ZNF90: variants seen among roughly 807,000 people sequenced by gnomAD.
The protein encoded by ZNF90 is zinc finger protein HTF9.
In ZNF90, 11 loss-of-function variants were observed where a neutral mutation model predicts 12.0. The ratio of observed to expected loss-of-function variants is 0.92; its 90% CI spans 0.58 to 1.52. The LOEUF is 1.52. ZNF90 is among the 40% of genes most tolerant of loss of function. The probability of loss-of-function intolerance (pLI) is 0.00; values close to 1 mark genes in which losing one functional copy is unlikely to be tolerated. For synonymous variants in ZNF90, 232 were observed against 240.1 expected (o/e 0.97, Z 0.31); for missense variants, 765 against 711.5 (o/e 1.08, Z -0.86).
chr19:20,107,210 A>G (rs1312283331), intron 3 of ZNF90: 1 of 332,524 alleles, frequency 3.0e-6, no homozygotes. Flanking sequence ...CTGCCTGTAT[A>G]GCTATAATTG....
chr19:20,111,334 T>C (rs2089087060), intron 3 of ZNF90, among the ~76,000 whole-genome samples: 1 of 152,066 alleles, frequency 6.6e-6, no homozygotes, highest in Non-Finnish European at 1.5e-5. Context: ...ATGATCTCAT[T>C]TCAGCCTTTC....
At chr19:20,080,155 G>A (rs1055487840) in intron 1 of ZNF90, 3 of 429,944 alleles carry the variant, frequency 7.0e-6, no homozygotes, top group Non-Finnish European at 1.4e-5. Flanking sequence ...TGCAAGAATT[G>A]CAGGTCAGCA....
Position 20,120,513 on chromosome 19 carries a change from A to G in ZNF90, c.*1153A>G, listed in dbSNP as rs2089186115. Among the ~76,000 whole-genome samples the G allele has an allele frequency of 6.6e-6, 1 of 152,200 alleles. No individual in the cohort carries two copies. The highest frequency in any genetic ancestry group is 1.5e-5 in the Non-Finnish European group (1 of 68,030). On this transcript the variant is annotated 3_prime_UTR_variant, in exon 4 of 4. Coordinates refer to ENST00000418063, the MANE Select transcript of ZNF90 (RefSeq NM_007138.2). ...TCCTGCAAATGTAGTGAATTTGGAA[A>G]CAAATTTTTTTTCAAAAACTACAGC... is the stretch of plus-strand genomic sequence containing the variant.
chr19:20,115,960 G>A (rs1374199038), intron 3 of ZNF90, among the ~76,000 whole-genome samples: 2 of 152,000 alleles, frequency 1.3e-5, no homozygotes, highest in African/African-American at 2.4e-5. Flanking sequence ...TGCAACCTCT[G>A]CCTCCTAGGT....
intron 1 of ZNF90, chr19:20,087,174 G>A (rs1220886842): frequency 6.6e-6 from 1 of 150,872 alleles, no homozygotes; most frequent in East Asian, 2.0e-4. Context: ...AGAGTAGCTT[G>A]CACTTTGGGT....
At position 20,119,560 on chromosome 19, in the gene ZNF90, A is replaced by T; in HGVS notation, c.*200A>T. The T allele has an allele frequency of 1.8e-6, 1 of 549,312 alleles. No homozygotes were observed. The highest frequency in any genetic ancestry group is 2.7e-5 in the South Asian group (1 of 37,580). 34.0% of individuals were successfully genotyped at this position (549,312 alleles called of 1,614,324 possible). ...TCTCAACCCTTACTACACATAATTCATACTGGACGGAAACTCTACAGGTGT... is the reference window on the plus strand; with the variant it reads ...TCTCAACCCTTACTACACATAATTCTTACTGGACGGAAACTCTACAGGTGT... On this transcript the variant is annotated 3_prime_UTR_variant, in exon 4 of 4. Transcript: ENST00000418063.
At chr19:20,087,634 T>A (rs1364038709) in intron 1 of ZNF90, 1 of 152,298 alleles carries the variant, frequency 6.6e-6, no homozygotes, top group African/African-American at 2.4e-5. Flanking sequence ...TGAGCTGTGC[T>A]CTGGGCTGTG....
intron 3 of ZNF90, among the ~76,000 whole-genome samples, chr19:20,106,529 T>C (rs768135990): frequency 5.3e-5 from 8 of 152,142 alleles, no homozygotes; most frequent in Non-Finnish European, 7.4e-5. Context: ...ATTTCGCTCA[T>C]TGCAAGCTCC....
At position 20,118,677 on chromosome 19, in the gene ZNF90, G is replaced by A. The variant is rs1725935; in HGVS notation, c.1123G>A (p.Gly375Ser). ...GAAACCCTACAAGTGTGATAAATGT[G>A]GCAAAGCATTTATTTCATCCTCACT... is the stretch of plus-strand genomic sequence containing the variant. ...GEKPYKCDKCGKAFISSSLLY... is the reference protein window; with the variant it reads ...GEKPYKCDKCSKAFISSSLLY... The change falls in exon 4 of 4, where the codon GGC becomes AGC. Residue 375 changes from glycine to serine, a missense_variant. Transcript: ENST00000418063. 0.13 allele frequency: 210,938 copies of A among 1,610,314 alleles called. 18,978 individuals carry two copies. Among genetic ancestry groups the A allele is most frequent in the East Asian group, 0.54 (24,183 of 44,596 alleles).
chr19:20,106,044 C>CAT (rs1555704366), intron 3 of ZNF90, among the ~76,000 whole-genome samples: 11,829 of 71,716 alleles, frequency 0.16, 847 homozygotes, highest in Admixed American at 0.21. Flanking sequence ...CTAATTTTTT[C>CAT]TTTTTTTTTT....
chr19:20,083,680 A>G (rs2088838157), intron 1 of ZNF90, among the ~76,000 whole-genome samples: 1 of 152,172 alleles, frequency 6.6e-6, no homozygotes, highest in African/African-American at 2.4e-5. Context: ...TGTTATTGCA[A>G]AGGACATAAT....
At chr19:20,104,200 C>G in intron 1 of ZNF90, 39 bp from the exon 2 acceptor site, 1 of 1,608,912 alleles carries the variant, frequency 6.2e-7, no homozygotes, top group South Asian at 1.1e-5. Flanking sequence ...CCCATGACCA[C>G]TTGGTAAAAA....
At chr19:20,094,520 A>C (rs148588098) in intron 1 of ZNF90, among the ~76,000 whole-genome samples, 2 of 152,126 alleles carry the variant, frequency 1.3e-5, no homozygotes, top group African/African-American at 4.8e-5. Context: ...TGCTTTTTTA[A>C]GCCCTTCAAC....
At chr19:20,091,261 C>A (rs1235214228) in intron 1 of ZNF90, among the ~76,000 whole-genome samples, 1 of 152,038 alleles carries the variant, frequency 6.6e-6, no homozygotes, top group East Asian at 1.9e-4. Context: ...GGGGCCTGAA[C>A]AATCCCTGAG....
At chr19:20,094,623 C>T (rs146613079) in intron 1 of ZNF90, among the ~76,000 whole-genome samples, 330 of 152,286 alleles carry the variant, frequency 2.2e-3, no homozygotes, top group African/African-American at 7.5e-3. Flanking sequence ...GCTCTAATGC[C>T]TTCCTGGAGG....
intron 3 of ZNF90, among the ~76,000 whole-genome samples, chr19:20,116,618 A>C (rs1568293437): frequency 6.6e-6 from 1 of 152,214 alleles, no homozygotes; most frequent in South Asian, 2.1e-4. Flanking sequence ...TACCTGTTAC[A>C]ATCTTTTTAT....
chr19:20,114,388 A>G (rs1463191603), intron 3 of ZNF90, among the ~76,000 whole-genome samples: 1 of 152,216 alleles, frequency 6.6e-6, no homozygotes, highest in East Asian at 1.9e-4. Context: ...CTCTATACAC[A>G]TTAAACAACT....
intron 1 of ZNF90, among the ~76,000 whole-genome samples, chr19:20,079,115 C>CAAAAAAAA (rs139573879): frequency 4.4e-5 from 3 of 68,776 alleles, no homozygotes; most frequent in Admixed American, 1.5e-4. Context: ...GGAGAGTCCT[C>CAAAAAAAA]AAAAAAAAAA....
At chr19:20,081,856 C>T (rs2088822603) in intron 1 of ZNF90, among the ~76,000 whole-genome samples, 3 of 151,744 alleles carry the variant, frequency 2.0e-5, no homozygotes, top group Admixed American at 2.0e-4. Context: ...GGTCTGCCTC[C>T]CAGGTTCACA....
Sources: allele counts gnomAD v4.1 joint callset (sites outside exome capture counted in the v4.1 genomes callset), GRCh38; gene constraint gnomAD v4.1.1; transcripts MANE v1.5; gene names NCBI Gene and HGNC (gene_info 2026-07-23, HGNC 2026-07-21).